The following CRPPA variants were observed in gnomAD, a reference collection of about 807,000 sequenced individuals.
CRPPA encodes CDP-L-ribitol pyrophosphorylase A.
In CRPPA, 43 loss-of-function variants were observed where a neutral mutation model predicts 52.0. The observed-to-expected ratio is 0.83, with a 90% confidence interval of 0.65 to 1.07. The LOEUF is 1.07. Among genes scored for constraint, CRPPA ranks in the 50% least tolerant of loss-of-function variants. The pLI is 0.00. For missense variants in CRPPA, 629 were observed against 551.7 expected, an observed-to-expected ratio of 1.14 and a Z score of -1.40; for synonymous variants, 250 against 203.5, an observed-to-expected ratio of 1.23 and a Z score of -1.94.
At chr7:16,210,853 A>T (rs769435970) in intron 9 of CRPPA, among the ~76,000 whole-genome samples, 1 of 152,300 alleles carries the variant, frequency 6.6e-6, no homozygotes, top group South Asian at 2.1e-4. Context: ...AGAAAAAAAA[A>T]AAAGGAAAGA....
intron 8 of CRPPA, among the ~76,000 whole-genome samples, chr7:16,253,614 A>G (rs1290929213): frequency 6.6e-6 from 1 of 152,196 alleles, no homozygotes; most frequent in Non-Finnish European, 1.5e-5. Flanking sequence ...GTAGATGTCT[A>G]TTAGGTCCGC....
chr7:16,134,433 T>A (rs530542873), intron 9 of CRPPA, among the ~76,000 whole-genome samples: 4 of 63,558 alleles, frequency 6.3e-5, no homozygotes, highest in African/African-American at 1.5e-4. Flanking sequence ...CATGGAAAAA[T>A]TGTCTTCCAT....
At chr7:16,267,158 T>C (rs1783977780) in intron 6 of CRPPA, among the ~76,000 whole-genome samples, 1 of 152,218 alleles carries the variant, frequency 6.6e-6, no homozygotes, top group South Asian at 2.1e-4. Context: ...TGGATTAATA[T>C]AATTTCATTC....
intron 8 of CRPPA, among the ~76,000 whole-genome samples, chr7:16,240,466 A>T (rs1783073156): frequency 6.6e-6 from 1 of 152,010 alleles, no homozygotes; most frequent in Admixed American, 6.6e-5. Flanking sequence ...CTGATTAAAA[A>T]AAAATTGGAA....
intron 3 of CRPPA, among the ~76,000 whole-genome samples, chr7:16,367,017 A>G (rs1005050794): frequency 4.6e-5 from 7 of 152,180 alleles, no homozygotes; most frequent in African/African-American, 1.7e-4. Context: ...TACTTTCACT[A>G]AAGTAACAAG....
chr7:16,260,302 A>ATC (rs59127218), intron 6 of CRPPA, among the ~76,000 whole-genome samples: 20 of 151,662 alleles, frequency 1.3e-4, no homozygotes, highest in African/African-American at 2.4e-4. Context: ...AGATGGGGAC[A>ATC]TCTCTCTCTC....
chr7:16,356,655 G>T (rs899670262), intron 3 of CRPPA, among the ~76,000 whole-genome samples: 1 of 152,122 alleles, frequency 6.6e-6, no homozygotes, highest in African/African-American at 2.4e-5. Context: ...ATATTTTTCA[G>T]TTCTGGGATT....
Position 16,088,174 on chromosome 7 carries a change from T to C in CRPPA, c.*3521A>G, listed in dbSNP as rs1781735256. On this transcript the variant is annotated 3_prime_UTR_variant, in exon 10 of 10. Coordinates refer to ENST00000407010, the MANE Select transcript of CRPPA (RefSeq NM_001101426.4). ...AATCAAACCATTACTCACGCTATGA[T>C]GAACTCCTAAGACGACTAACTTTAA... 6.6e-6 allele frequency: 1 copy of C among 152,212 alleles called. No individual in the cohort carries two copies. Among genetic ancestry groups the C allele is most frequent in the African/African-American group, 2.4e-5 (1 of 41,460 alleles). 9.4% of individuals were successfully genotyped at this position (152,212 alleles called of 1,614,324 possible).
chr7:16,128,220 C>A (rs1367837671), intron 9 of CRPPA, among the ~76,000 whole-genome samples: 1 of 152,036 alleles, frequency 6.6e-6, no homozygotes, highest in Non-Finnish European at 1.5e-5. Flanking sequence ...CACCATGGCA[C>A]ACGTTTACCT....
chr7:16,277,502 A>G (rs1294260199), intron 6 of CRPPA: 1 of 152,232 alleles, frequency 6.6e-6, no homozygotes, highest in South Asian at 2.1e-4. Flanking sequence ...TATTTTAATG[A>G]AAACAGAAAT....
chr7:16,227,639 G>T (rs888704578), intron 8 of CRPPA, among the ~76,000 whole-genome samples: 1 of 151,458 alleles, frequency 6.6e-6, no homozygotes, highest in Non-Finnish European at 1.5e-5. Flanking sequence ...GAGATGTATC[G>T]TTTGCATATG....
chr7:16,098,884 C>T (rs762510599), intron 9 of CRPPA, among the ~76,000 whole-genome samples: 27 of 152,088 alleles, frequency 1.8e-4, no homozygotes, highest in Admixed American at 3.3e-4. Context: ...CAGCCTCCTC[C>T]GAATGAGAAA....
At chr7:16,146,810 C>T (rs535628253) in intron 9 of CRPPA, among the ~76,000 whole-genome samples, 10 of 152,180 alleles carry the variant, frequency 6.6e-5, no homozygotes, top group African/African-American at 2.4e-4. Flanking sequence ...ACTATAAAAA[C>T]TCATCAGATC....
At chr7:16,257,721 C>T (rs752369348) in intron 8 of CRPPA, among the ~76,000 whole-genome samples, 1 of 152,110 alleles carries the variant, frequency 6.6e-6, no homozygotes, top group Non-Finnish European at 1.5e-5. Flanking sequence ...CCCCTTCACA[C>T]AGCAAAATGC....
chr7:16,206,971 T>C (rs1053592878), intron 9 of CRPPA, among the ~76,000 whole-genome samples: 2 of 152,170 alleles, frequency 1.3e-5, no homozygotes, highest in Non-Finnish European at 2.9e-5. Context: ...GATGAAAAAC[T>C]AATAAATCTT....
chr7:16,174,211 C>T (rs1253428730), intron 9 of CRPPA, among the ~76,000 whole-genome samples: 2 of 152,268 alleles, frequency 1.3e-5, no homozygotes, highest in East Asian at 3.9e-4. Context: ...CCAATAGCAT[C>T]ATCCTGATGT....
intron 3 of CRPPA, among the ~76,000 whole-genome samples, chr7:16,327,541 C>T (rs371712582): frequency 2.9e-5 from 4 of 139,696 alleles, no homozygotes; most frequent in African/African-American, 1.1e-4. Context: ...CGCAGTGAGC[C>T]GAGATTGCGC....
intron 3 of CRPPA, among the ~76,000 whole-genome samples, chr7:16,341,519 G>A (rs12699783): frequency 6.6e-6 from 1 of 151,984 alleles, no homozygotes; most frequent in Non-Finnish European, 1.5e-5. Flanking sequence ...TAAAATAAGT[G>A]AATAAAATTA....
At chr7:16,332,643 GA>G (rs1350193018) in intron 3 of CRPPA, among the ~76,000 whole-genome samples, 4 of 152,000 alleles carry the variant, frequency 2.6e-5, no homozygotes, top group South Asian at 2.1e-4. Flanking sequence ...TGTAATGGGG[GA>G]AAGCTATTAC....
Sources: allele counts gnomAD v4.1 joint callset (sites outside exome capture counted in the v4.1 genomes callset), GRCh38; gene constraint gnomAD v4.1.1; transcripts MANE v1.5; gene names NCBI Gene and HGNC (gene_info 2026-07-23, HGNC 2026-07-21).